The following CELF2 variants were observed in gnomAD, a reference collection of about 807,000 sequenced individuals.
The protein encoded by CELF2 is CUG triplet repeat RNA-binding protein 2.
A neutral mutation model predicts 62.6 loss-of-function variants in CELF2; 8 were observed. The ratio of observed to expected loss-of-function variants is 0.13; its 90% CI spans 0.07 to 0.23. The LOEUF is 0.23. CELF2 is among the 10% of genes least tolerant of loss of function. The pLI is 1.00. For synonymous variants in CELF2, 258 were observed against 250.0 expected, an observed-to-expected ratio of 1.03 and a Z score of -0.30; for missense variants, 333 against 671.0, an observed-to-expected ratio of 0.50 and a Z score of 5.56.
At chr10:10,468,739 T>C in the CELF2 span, among the ~76,000 whole-genome samples, 1 of 152,004 alleles carries the variant, frequency 6.6e-6, no homozygotes, top group African/African-American at 2.4e-5. Context: ...TCAACACTGT[T>C]CTCATCCCTC....
intron 2 of CELF2, among the ~76,000 whole-genome samples, chr10:11,167,589 T>C (rs1485256090): frequency 2.0e-5 from 3 of 152,222 alleles, no homozygotes; most frequent in African/African-American, 4.8e-5. Context: ...TATTCTCCCA[T>C]TGTCTCTCTC....
At chr10:10,487,543 G>T in the CELF2 span, among the ~76,000 whole-genome samples, 1 of 152,076 alleles carries the variant, frequency 6.6e-6, no homozygotes, top group Non-Finnish European at 1.5e-5. Flanking sequence ...TGACGTCCAT[G>T]ACCCCATCCT....
chr10:11,109,684 T>C (rs1041959665), intron 1 of CELF2, among the ~76,000 whole-genome samples: 4 of 152,240 alleles, frequency 2.6e-5, no homozygotes, highest in African/African-American at 7.2e-5. Flanking sequence ...TCAGTCTCTC[T>C]ACCCCTCACA....
chr10:10,541,036 G>T, the CELF2 span, among the ~76,000 whole-genome samples: 3 of 151,910 alleles, frequency 2.0e-5, no homozygotes, highest in Admixed American at 2.0e-4. Context: ...GAGGTCAGGA[G>T]ATCGAGACCA....
rs1381683887 is a variant in CELF2 at position 11,314,491 on chromosome 10, T to A, written c.1096+233T>A. On this transcript the variant is annotated intron_variant, in intron 10 of 12. Transcript: ENST00000633077. This position sits in a 1 kb window ranked among gnomAD's most constrained non-coding sequence, Gnocchi z 5.3. ...TCTCTTCAGTGTGTAGCACAGCGCG[T>A]GTGCTCATCCATGGGGTTCTGTGGC... 8.6e-6 allele frequency: 5 copies of A among 584,320 alleles called. No individual in the cohort carries two copies. The highest frequency in any genetic ancestry group is 1.3e-5 in the Non-Finnish European group (4 of 319,570). 36.2% of individuals were successfully genotyped at this position (584,320 alleles called of 1,614,324 possible).
intron 1 of CELF2, among the ~76,000 whole-genome samples, chr10:10,899,848 C>A (rs1407377066): frequency 6.6e-6 from 1 of 152,134 alleles, no homozygotes; most frequent in Non-Finnish European, 1.5e-5. Flanking sequence ...GAGAACAGCA[C>A]TAAAGGGAAA....
At chr10:10,728,570 G>A in the CELF2 span, among the ~76,000 whole-genome samples, 2 of 152,192 alleles carry the variant, frequency 1.3e-5, no homozygotes, top group South Asian at 2.1e-4. Context: ...GAGGTTCTCA[G>A]AAGATAAATT....
chr10:10,742,322 C>CTT, the CELF2 span, among the ~76,000 whole-genome samples: 1 of 152,076 alleles, frequency 6.6e-6, no homozygotes, highest in African/African-American at 2.4e-5. Context: ...CCCTTTTCTC[C>CTT]ACCATCTCCT....
intron 2 of CELF2, chr10:10,924,995 A>T (rs1050714581): frequency 6.6e-6 from 1 of 152,132 alleles, no homozygotes; most frequent in Non-Finnish European, 1.5e-5. Context: ...AGGACGAGAG[A>T]GACTTACCTC....
rs1270634233 is a variant in CELF2 at position 10,947,746 on chromosome 10, GAC to G, written c.89+27751_89+27752del. Among the ~76,000 whole-genome samples the G allele has an allele frequency of 6.6e-6, 1 of 152,112 alleles. No homozygotes were observed. The highest frequency in any genetic ancestry group is 1.5e-5 in the Non-Finnish European group (1 of 68,028). ...TTCAAGGTCATGAGTAGCGTAAGAA[GAC>G]ACATACACACATCTTCACCACAGAA... On this transcript the variant is annotated intron_variant, in intron 2 of 13. Transcript: ENST00000636488. This position sits in a 1 kb window ranked among gnomAD's most constrained non-coding sequence, Gnocchi z 4.1.
At chr10:10,705,649 C>T in the CELF2 span, among the ~76,000 whole-genome samples, 1 of 152,100 alleles carries the variant, frequency 6.6e-6, no homozygotes, top group African/African-American at 2.4e-5. Context: ...ATCTTTCCCC[C>T]CAAAAGCTTC....
chr10:11,166,853 A>G (rs892338495), intron 2 of CELF2, among the ~76,000 whole-genome samples: 1 of 152,214 alleles, frequency 6.6e-6, no homozygotes, highest in Non-Finnish European at 1.5e-5. Flanking sequence ...TGACTCCGAG[A>G]AATTTTGGGC....
At chr10:11,005,110 G>T, upstream of CELF2, 1 of 985,230 alleles carries the variant, frequency 1.0e-6, no homozygotes, top group Non-Finnish European at 1.2e-6. This position sits in a 1 kb window ranked among gnomAD's most constrained non-coding sequence, Gnocchi z 4.3. Context: ...ACCCCTATAG[G>T]CAGCACAGTG....
intron 2 of CELF2, among the ~76,000 whole-genome samples, chr10:11,204,974 T>A (rs1426856797): frequency 1.3e-5 from 2 of 151,826 alleles, no homozygotes; most frequent in Admixed American, 1.3e-4. Flanking sequence ...ACAAACTGTT[T>A]TAGGGATTTT....
chr10:11,021,140 G>C (rs2058253300), intron 1 of CELF2, among the ~76,000 whole-genome samples: 1 of 152,036 alleles, frequency 6.6e-6, no homozygotes, highest in African/African-American at 2.4e-5. Context: ...GTTTGTAAAT[G>C]GTTTTGGATT....
chr10:10,922,162 A>G (rs896755899), intron 2 of CELF2, among the ~76,000 whole-genome samples: 3 of 152,096 alleles, frequency 2.0e-5, no homozygotes, highest in Non-Finnish European at 4.4e-5. Context: ...AAATTACTGT[A>G]GGTCTTCATT....
intron 1 of CELF2, among the ~76,000 whole-genome samples, chr10:10,886,345 T>C (rs1340010915): frequency 3.9e-5 from 6 of 152,192 alleles, no homozygotes; most frequent in Non-Finnish European, 8.8e-5. Context: ...TAATATAATA[T>C]AACAGCCTTT....
chr10:10,643,778 A>G, the CELF2 span, among the ~76,000 whole-genome samples: 4 of 152,348 alleles, frequency 2.6e-5, no homozygotes, highest in South Asian at 2.1e-4. Flanking sequence ...GTGAACATCA[A>G]TATTTTACTT....
chr10:10,470,343 T>A, the CELF2 span, among the ~76,000 whole-genome samples: 3 of 151,872 alleles, frequency 2.0e-5, no homozygotes, highest in Non-Finnish European at 4.4e-5. Context: ...TCTTAGTGGC[T>A]TAAACTATAC....
Sources: gnomAD v4.1 joint callset for allele counts (sites outside exome capture counted in the v4.1 genomes callset) on GRCh38, gnomAD v4.1.1 for gene constraint, Gnocchi (gnomAD v3.1) non-coding constraint, MANE v1.5 for transcripts, NCBI Gene and HGNC (gene_info 2026-07-23, HGNC 2026-07-21) for gene names.